ZCWPW2: variants seen among roughly 807,000 people sequenced by gnomAD.
ZCWPW2 encodes the protein zinc finger CW-type PWWP domain protein 2.
Under a neutral mutation model 46.6 loss-of-function variants are expected in ZCWPW2, and 45 were observed. The observed-to-expected ratio is 0.96, with a 90% CI of 0.76 to 1.24. ZCWPW2 has a LOEUF of 1.24. Ranked by LOEUF, ZCWPW2 falls within the 50% of genes most tolerant of loss-of-function variation. The probability of loss-of-function intolerance (pLI) is 0.00; values close to 1 mark genes in which losing one functional copy is unlikely to be tolerated. For missense variants in ZCWPW2, 429 were observed against 403.9 expected, an observed-to-expected ratio of 1.06 and a Z score of -0.53; for synonymous variants, 152 against 137.1, an observed-to-expected ratio of 1.11 and a Z score of -0.76.
At chr3:28,478,505 T>C (rs1436934535) in intron 4 of ZCWPW2, 1 of 167,916 alleles carries the variant, frequency 6.0e-6, no homozygotes, top group Non-Finnish European at 1.3e-5. Context: ...ATTATTCTTA[T>C]TAAATCTATT....
At chr3:28,475,404 G>T (rs1239209090) in intron 4 of ZCWPW2, among the ~76,000 whole-genome samples, 1 of 152,100 alleles carries the variant, frequency 6.6e-6, no homozygotes, top group Admixed American at 6.6e-5. Context: ...TATTGCAATA[G>T]CCTCCTAATT....
At chr3:28,460,887 C>T (rs927398231) in intron 4 of ZCWPW2, 7 of 182,634 alleles carry the variant, frequency 3.8e-5, no homozygotes, top group Non-Finnish European at 6.1e-5. Context: ...TAGGCAGATA[C>T]TTTATAATAG....
At chr3:28,409,045 G>C (rs992130837) in intron 2 of ZCWPW2, among the ~76,000 whole-genome samples, 1 of 150,362 alleles carries the variant, frequency 6.7e-6, no homozygotes, top group African/African-American at 2.4e-5. Context: ...TAGATAAAAA[G>C]TAGAGTCTTC....
At chr3:28,370,714 A>C (rs755719921) in intron 1 of ZCWPW2, among the ~76,000 whole-genome samples, 55 of 152,196 alleles carry the variant, frequency 3.6e-4, no homozygotes, top group South Asian at 6.2e-4. Flanking sequence ...TACTCTGCTA[A>C]TTTTCATAAA....
chr3:28,435,253 A>ATAG lies in ZCWPW2; in HGVS notation c.479_481dup (p.Ser160dup). On this transcript the variant is annotated inframe_insertion, in exon 4 of 10. Transcript: ENST00000383768. The stretch of plus-strand genomic sequence containing the variant: ...ATAAAGGCAACATTCGTTGGACATT[A>ATAG]TAGTATCACATTAAAGGTAGGTATC... 1 of 1,610,116 alleles carries ATAG rather than the reference A, an allele frequency of 6.2e-7. No homozygotes were observed. Among genetic ancestry groups the ATAG allele is most frequent in the Non-Finnish European group, 8.5e-7 (1 of 1,179,212 alleles).
At position 28,507,664 on chromosome 3, in the gene ZCWPW2, G is replaced by T. The variant is rs577943488; in HGVS notation, c.658-6400G>T. 1.5e-4 allele frequency among the ~76,000 whole-genome samples: 23 copies of T among 152,032 alleles called. No individual in the cohort carries two copies. The East Asian group carries it at 4.2e-3, about 28-fold the overall frequency. On this transcript the variant is annotated intron_variant, in intron 6 of 9. Transcript: ENST00000383768. ...AAATAGCGATTACTTTAATATTTTT[G>T]AGACTTCCTCTGTGAACCAGTAGGT...
intron 1 of ZCWPW2, among the ~76,000 whole-genome samples, chr3:28,389,652 T>G (rs1051999639): frequency 1.3e-5 from 2 of 152,184 alleles, no homozygotes; most frequent in Admixed American, 1.3e-4. Context: ...TTTAGAACAA[T>G]TCCCAGTACC....
chr3:28,524,470 G>C, intron 9 of ZCWPW2, 57 bp from the exon 10 acceptor site: 1 of 1,553,616 alleles, frequency 6.4e-7, no homozygotes, highest in Middle Eastern at 1.7e-4. Flanking sequence ...TTTATGTTTT[G>C]TTCAATAATC....
intron 5 of ZCWPW2, 63 bp downstream of exon 5, chr3:28,478,994 A>G (rs978410063): frequency 1.7e-5 from 19 of 1,089,642 alleles, no homozygotes; most frequent in Admixed American, 5.3e-5. Flanking sequence ...ATGTTTTCCA[A>G]AATATGTTTG....
chr3:28,379,405 G>C (rs918315820), intron 1 of ZCWPW2, among the ~76,000 whole-genome samples: 2 of 152,118 alleles, frequency 1.3e-5, no homozygotes, highest in Non-Finnish European at 1.5e-5. Context: ...TATAGAATGA[G>C]GGTAAAATTG....
chr3:28,460,235 C>T (rs1698577348), intron 4 of ZCWPW2, among the ~76,000 whole-genome samples: 1 of 150,484 alleles, frequency 6.6e-6, no homozygotes, highest in African/African-American at 2.4e-5. Flanking sequence ...TAAGGGGTCA[C>T]ACTAAACAGA....
At chr3:28,472,874 T>C (rs1232967757) in intron 4 of ZCWPW2, among the ~76,000 whole-genome samples, 1 of 150,154 alleles carries the variant, frequency 6.7e-6, no homozygotes, top group East Asian at 2.0e-4. Flanking sequence ...AACAGTTCTA[T>C]AGGAAAAAAA....
At chr3:28,363,266 A>G (rs1705008360) in intron 1 of ZCWPW2, among the ~76,000 whole-genome samples, 1 of 152,166 alleles carries the variant, frequency 6.6e-6, no homozygotes, top group Non-Finnish European at 1.5e-5. Flanking sequence ...AGAATATACA[A>G]AACTTTATTT....
At position 28,398,965 on chromosome 3, in the gene ZCWPW2, A is replaced by C. The variant is rs567535366; in HGVS notation, c.-14+8348A>C. 2.0e-5 allele frequency among the ~76,000 whole-genome samples: 3 copies of C among 152,306 alleles called. No homozygotes were observed. The South Asian group carries it at 6.2e-4, about 32-fold the overall frequency. Reference sequence around the variant, plus strand: ...AGAACTCAGAGGAGGGCATGAATCCAGTGTGCAGACTCTACAGGCGGGGAA... The same window carrying C: ...AGAACTCAGAGGAGGGCATGAATCCCGTGTGCAGACTCTACAGGCGGGGAA... On this transcript the variant is annotated intron_variant, in intron 2 of 9. Coordinates refer to ENST00000383768, the MANE Select transcript of ZCWPW2 (RefSeq NM_001040432.4).
chr3:28,362,860 A>G (rs2125694701), intron 1 of ZCWPW2, among the ~76,000 whole-genome samples: 1 of 152,284 alleles, frequency 6.6e-6, no homozygotes, highest in African/African-American at 2.4e-5. Flanking sequence ...GTACATATAC[A>G]CCATGGAATA....
intron 1 of ZCWPW2, among the ~76,000 whole-genome samples, chr3:28,363,883 T>C (rs1037588883): frequency 6.6e-6 from 1 of 152,190 alleles, no homozygotes; most frequent in Non-Finnish European, 1.5e-5. Context: ...TCTAGCCCTC[T>C]GTGGTGGTGG....
chr3:28,492,456 A>G (rs931681429), intron 6 of ZCWPW2, among the ~76,000 whole-genome samples: 1 of 152,086 alleles, frequency 6.6e-6, no homozygotes, highest in African/African-American at 2.4e-5. Flanking sequence ...TCATATACAT[A>G]CTCATATACT....
intron 3 of ZCWPW2, chr3:28,428,008 T>G (rs1697087643): frequency 6.6e-6 from 1 of 152,154 alleles, no homozygotes; most frequent in Non-Finnish European, 1.5e-5. Context: ...TAAGTTGGGG[T>G]CTCCATTGCT....
chr3:28,509,588 T>C (rs1371688070), intron 6 of ZCWPW2, among the ~76,000 whole-genome samples: 1 of 152,182 alleles, frequency 6.6e-6, no homozygotes, highest in East Asian at 1.9e-4. Flanking sequence ...ACTAATGATA[T>C]TAAGCATCTT....
Sources: gnomAD v4.1 joint callset for allele counts (sites outside exome capture counted in the v4.1 genomes callset) on GRCh38, gnomAD v4.1.1 for gene constraint, MANE v1.5 for transcripts, NCBI Gene and HGNC (gene_info 2026-07-23, HGNC 2026-07-21) for gene names.